Variants in ADAM2 observed in about 807,000 individuals in gnomAD.
The protein encoded by ADAM2 is ADAM metallopeptidase domain 2, also known as disintegrin and metalloproteinase domain-containing protein 2.
In ADAM2, 101 loss-of-function variants were observed where a neutral mutation model predicts 99.3. The ratio of observed to expected loss-of-function variants is 1.02; its 90% confidence interval spans 0.87 to 1.20. The LOEUF (loss-of-function observed/expected upper bound fraction) is 1.20, where lower values mean the gene tolerates loss of function less well. ADAM2 is among the 50% of genes most tolerant of loss of function. The probability of loss-of-function intolerance (pLI) is 0.00; values close to 1 mark genes in which losing one functional copy is unlikely to be tolerated. For missense variants in ADAM2, 948 were observed against 878.7 expected (o/e 1.08, Z -1.00); for synonymous variants, 323 against 287.6 (o/e 1.12, Z -1.25).
Position 39,766,982 on chromosome 8 carries a change from C to G in ADAM2, c.1373G>C (p.Cys458Ser), listed in dbSNP as rs1303018433. The change falls in exon 14 of 21, where the codon TGC becomes TCC. Residue 458 changes from cysteine (C) to serine (S), a missense_variant. Cys to Ser is a moderately radical substitution (Grantham distance 112). Transcript: ENST00000265708. ...TGGGCATGATGCAGATGATCCATTG[C>G]AATATTCAGGGAGGTCGCATTCTTC... Reference protein sequence around the residue: ...SFEECDLPEYCNGSSASCPEN... With the variant: ...SFEECDLPEYSNGSSASCPEN... 6 of 1,613,994 alleles carry G rather than the reference C, an allele frequency of 3.7e-6. No individual in the cohort carries two copies. Among genetic ancestry groups the G allele is most frequent in the Non-Finnish European group, 5.1e-6 (6 of 1,180,018 alleles).
At chr8:39,779,432 A>C (rs974681981) in intron 10 of ADAM2, among the ~76,000 whole-genome samples, 1 of 152,146 alleles carries the variant, frequency 6.6e-6, no homozygotes, top group African/African-American at 2.4e-5. Context: ...GAATATAGTC[A>C]CATTGGAGGT....
At chr8:39,787,933 C>A in intron 9 of ADAM2, 152 bp downstream of exon 9, 2 of 483,220 alleles carry the variant, frequency 4.1e-6, no homozygotes, top group African/African-American at 2.0e-5. Context: ...TCAGTAATTC[C>A]AATATAAATA....
chr8:39,750,956 T>G (rs978036804), intron 16 of ADAM2, among the ~76,000 whole-genome samples: 116 of 152,304 alleles, frequency 7.6e-4, no homozygotes, highest in African/African-American at 2.6e-3. Context: ...AAAAGTTTGC[T>G]AAAGAATATT....
chr8:39,837,056 T>A, intron 2 of ADAM2, 80 bp downstream of exon 2: 1 of 1,155,380 alleles, frequency 8.7e-7, no homozygotes, highest in Non-Finnish European at 1.2e-6. Context: ...TGTGCATGAA[T>A]GAAAAATGGC....
chr8:39,760,415 C>T (rs1291937835), intron 15 of ADAM2, among the ~76,000 whole-genome samples: 3 of 152,058 alleles, frequency 2.0e-5, no homozygotes, highest in Non-Finnish European at 4.4e-5. Flanking sequence ...GGCTGTAGAG[C>T]ACATGTTCTT....
Position 39,788,199 on chromosome 8 carries a change from A to C in ADAM2, c.695T>G (p.Ile232Arg), listed in dbSNP as rs770193799. The change falls in exon 9 of 21, where the codon ATA becomes AGA. Residue 232 changes from isoleucine (I) to arginine (R), a missense_variant. Coordinates refer to ENST00000265708, the MANE Select transcript of ADAM2 (RefSeq NM_001464.5). Reference sequence around the variant, plus strand: ...AGTGGTTGCAATTTTATTTTCATCTATCCAAAGCTCCAATGAAGACAGAAT... The same window carrying C: ...AGTGGTTGCAATTTTATTTTCATCTCTCCAAAGCTCCAATGAAGACAGAAT... ...TIILSSLELWIDENKIATTGE... is the reference protein window; with the variant it reads ...TIILSSLELWRDENKIATTGE... 4 of 1,576,454 alleles carry C rather than the reference A, an allele frequency of 2.5e-6. No individual in the cohort carries two copies. Among genetic ancestry groups the C allele is most frequent in the Admixed American group, 3.5e-5 (2 of 57,488 alleles).
chr8:39,772,782 G>T (rs1259970415), intron 11 of ADAM2, among the ~76,000 whole-genome samples: 2 of 151,846 alleles, frequency 1.3e-5, no homozygotes, highest in Admixed American at 1.3e-4. Flanking sequence ...TAAAAGAATG[G>T]AGCATCTTTT....
intron 15 of ADAM2, among the ~76,000 whole-genome samples, chr8:39,760,666 A>G (rs1281236023): frequency 6.6e-6 from 1 of 152,038 alleles, no homozygotes; most frequent in Non-Finnish European, 1.5e-5. Flanking sequence ...ACTTGCAGTG[A>G]GCCGAGATAG....
At chr8:39,777,306 T>G (rs1259801518) in intron 10 of ADAM2, 145 bp from the exon 11 acceptor site, 1 of 534,858 alleles carries the variant, frequency 1.9e-6, no homozygotes, top group Admixed American at 3.6e-5. Flanking sequence ...TAACTCATTA[T>G]AAATGTAAGA....
intron 11 of ADAM2, among the ~76,000 whole-genome samples, chr8:39,775,278 A>G (rs918872727): frequency 2.1e-4 from 32 of 152,118 alleles, no homozygotes; most frequent in African/African-American, 7.7e-4. Flanking sequence ...TTTTGAAGTA[A>G]ACGCTGTTCT....
intron 4 of ADAM2, among the ~76,000 whole-genome samples, chr8:39,822,958 G>A (rs1185437559): frequency 2.0e-5 from 3 of 152,070 alleles, no homozygotes; most frequent in Non-Finnish European, 4.4e-5. Context: ...TAGTACAGAC[G>A]GGGTTTCACC....
At chr8:39,823,019 G>T (rs1209766715) in intron 4 of ADAM2, among the ~76,000 whole-genome samples, 1 of 152,050 alleles carries the variant, frequency 6.6e-6, no homozygotes, top group Non-Finnish European at 1.5e-5. Flanking sequence ...TGCCCGCGTT[G>T]GCCTCCCAAA....
At chr8:39,787,146 A>G (rs1291025907) in intron 9 of ADAM2, 91 bp from the exon 10 acceptor site, 1 of 695,500 alleles carries the variant, frequency 1.4e-6, no homozygotes, top group East Asian at 2.9e-5. Flanking sequence ...GATAATCATT[A>G]ATATTTACAT....
intron 19 of ADAM2, among the ~76,000 whole-genome samples, chr8:39,745,310 A>T (rs1402834236): frequency 6.6e-6 from 1 of 152,176 alleles, no homozygotes; most frequent in African/African-American, 2.4e-5. Flanking sequence ...ACTTTAGTAT[A>T]TTTAAATAAT....
chr8:39,774,271 C>T (rs1195922964), intron 11 of ADAM2, among the ~76,000 whole-genome samples: 1 of 151,878 alleles, frequency 6.6e-6, no homozygotes, highest in African/African-American at 2.4e-5. Flanking sequence ...AAGACAGCCA[C>T]ACATCAAACT....
At chr8:39,765,185 ACTG>A (rs1225342704) in intron 14 of ADAM2, among the ~76,000 whole-genome samples, 5 of 152,156 alleles carry the variant, frequency 3.3e-5, no homozygotes, top group Admixed American at 6.6e-5. Context: ...TGTCTTATAA[ACTG>A]CTTGAAGTTT....
chr8:39,827,486 TC>T (rs1805457019), intron 3 of ADAM2, among the ~76,000 whole-genome samples: 1 of 152,132 alleles, frequency 6.6e-6, no homozygotes, highest in African/African-American at 2.4e-5. Flanking sequence ...AGCTTAAGTT[TC>T]CATCAATGGA....
At chr8:39,777,682 T>C (rs1803049627) in intron 10 of ADAM2, among the ~76,000 whole-genome samples, 1 of 152,022 alleles carries the variant, frequency 6.6e-6, no homozygotes, top group South Asian at 2.1e-4. Context: ...TGAGTGGAAT[T>C]GAAATGTTCC....
intron 2 of ADAM2, 60 bp from the exon 3 acceptor site, chr8:39,834,059 C>T: frequency 1.1e-6 from 1 of 900,026 alleles, no homozygotes; most frequent in Non-Finnish European, 1.8e-6. Flanking sequence ...GAAGGGATAA[C>T]CATCATTTTA....
Sources: gnomAD v4.1 joint callset for allele counts (sites outside exome capture counted in the v4.1 genomes callset) on GRCh38, gnomAD v4.1.1 for gene constraint, MANE v1.5 for transcripts, NCBI Gene and HGNC (gene_info 2026-07-23, HGNC 2026-07-21) for gene names.